DPF3: variants seen among roughly 807,000 people sequenced by gnomAD.
DPF3 encodes the protein double PHD fingers 3, also known as zinc finger protein DPF3.
In DPF3, 18 loss-of-function variants were observed where a neutral mutation model predicts 56.8. The observed-to-expected ratio is 0.32, with a 90% confidence interval of 0.22 to 0.47. DPF3 has a LOEUF of 0.47. Ranked by LOEUF, DPF3 falls within the 20% of genes least tolerant of loss-of-function variation. DPF3 has a pLI of 1.00. For missense variants in DPF3, 403 were observed against 488.8 expected, an observed-to-expected ratio of 0.82 and a Z score of 1.65; for synonymous variants, 188 against 180.2, an observed-to-expected ratio of 1.04 and a Z score of -0.35.
chr14:72,703,061 G>C (rs1875556086), intron 6 of DPF3, among the ~76,000 whole-genome samples: 1 of 152,080 alleles, frequency 6.6e-6, no homozygotes, highest in Admixed American at 6.6e-5. Context: ...TAAGTCCTTT[G>C]CATTCTAGCA....
intron 9 of DPF3, among the ~76,000 whole-genome samples, chr14:72,621,001 C>G (rs58873962): frequency 0.041 from 6,272 of 152,162 alleles, 232 homozygotes; most frequent in East Asian, 0.11. Flanking sequence ...ATTAGCCAGG[C>G]ATGGTGGCGT....
intron 1 of DPF3, among the ~76,000 whole-genome samples, chr14:72,804,758 T>C (rs890557655): frequency 6.6e-6 from 1 of 152,158 alleles, no homozygotes; most frequent in Non-Finnish European, 1.5e-5. Flanking sequence ...ATTTCATTAA[T>C]AGAGATTCCT....
At chr14:72,832,897 A>G (rs1215620370) in intron 1 of DPF3, among the ~76,000 whole-genome samples, 2 of 152,184 alleles carry the variant, frequency 1.3e-5, no homozygotes, top group Non-Finnish European at 2.9e-5. Context: ...AACACAACCT[A>G]TCCAAGAAAC....
At chr14:72,638,361 G>A (rs1472091794) in intron 8 of DPF3, among the ~76,000 whole-genome samples, 1 of 152,198 alleles carries the variant, frequency 6.6e-6, no homozygotes, top group Non-Finnish European at 1.5e-5. Context: ...TGGACCTCAG[G>A]AGCATCCAAC....
intron 1 of DPF3, among the ~76,000 whole-genome samples, chr14:72,874,702 C>T (rs1001957411): frequency 2.6e-5 from 4 of 152,176 alleles, no homozygotes; most frequent in Non-Finnish European, 5.9e-5. Flanking sequence ...TTATCCATAT[C>T]GCTATTAGCA....
intron 7 of DPF3, among the ~76,000 whole-genome samples, chr14:72,688,587 G>A (rs1165730093): frequency 6.6e-6 from 1 of 152,156 alleles, no homozygotes; most frequent in Non-Finnish European, 1.5e-5. Flanking sequence ...CCCCACTGGG[G>A]CTCCCTACCA....
At chr14:72,627,390 C>T (rs1402584259) in intron 9 of DPF3, among the ~76,000 whole-genome samples, 1 of 152,078 alleles carries the variant, frequency 6.6e-6, no homozygotes, top group Non-Finnish European at 1.5e-5. Context: ...TGTCCCAGCA[C>T]CATTCATTTA....
chr14:72,636,432 C>T (rs1885385214), intron 8 of DPF3, among the ~76,000 whole-genome samples: 3 of 152,106 alleles, frequency 2.0e-5, no homozygotes, highest in Admixed American at 2.0e-4. Flanking sequence ...TCTCTCACTC[C>T]TCTCTTCTCT....
At chr14:72,760,563 T>G (rs1185009525) in intron 2 of DPF3, among the ~76,000 whole-genome samples, 2 of 152,228 alleles carry the variant, frequency 1.3e-5, no homozygotes, top group Admixed American at 6.5e-5. Flanking sequence ...GGAGGGGCCT[T>G]ATTCTATTAA....
chr14:72,610,395 C>T lies in DPF3; in HGVS notation c.*8902G>A, dbSNP rs908982761. On this transcript the variant is annotated 3_prime_UTR_variant, in exon 11 of 11. Transcript: ENST00000556509. ...CAAAGCCCACCCAGAGGAATCCCAGCGTTCACAAATGGAGGCGCCCTCACC... is the reference window on the plus strand; with the variant it reads ...CAAAGCCCACCCAGAGGAATCCCAGTGTTCACAAATGGAGGCGCCCTCACC... Among the ~76,000 whole-genome samples the T allele has an allele frequency of 6.6e-6, 1 of 152,188 alleles. No homozygotes were observed. The highest frequency in any genetic ancestry group is 2.4e-5 in the African/African-American group (1 of 41,452).
chr14:72,666,871 A>G (rs1238542799), intron 8 of DPF3, among the ~76,000 whole-genome samples: 1 of 152,230 alleles, frequency 6.6e-6, no homozygotes, highest in Non-Finnish European at 1.5e-5. Context: ...CTAACAGATG[A>G]GTCTGCTCCA....
At chr14:72,765,317 C>T (rs1891234281) in intron 2 of DPF3, among the ~76,000 whole-genome samples, 1 of 152,170 alleles carries the variant, frequency 6.6e-6, no homozygotes, top group African/African-American at 2.4e-5. Context: ...TAAAATGGTA[C>T]AACCACTTTG....
At chr14:72,892,115 C>T in intron 1 of DPF3, 1 of 1,517,400 alleles carries the variant, frequency 6.6e-7, no homozygotes, top group Non-Finnish European at 8.8e-7. Flanking sequence ...TCCCGGGTAA[C>T]TAGGGTACGG....
intron 6 of DPF3, among the ~76,000 whole-genome samples, chr14:72,711,132 A>G (rs983021396): frequency 3.3e-5 from 5 of 152,226 alleles, no homozygotes; most frequent in African/African-American, 1.2e-4. Context: ...GCTTATTACC[A>G]CTACACATAA....
chr14:72,732,804 C>CTTTCT (rs1318987629), intron 3 of DPF3, among the ~76,000 whole-genome samples: 3 of 152,082 alleles, frequency 2.0e-5, no homozygotes, highest in Non-Finnish European at 4.4e-5. Flanking sequence ...TGGTGTGTTT[C>CTTTCT]TTTCTTTTCT....
chr14:72,637,985 G>A (rs773129760), intron 8 of DPF3, among the ~76,000 whole-genome samples: 4 of 152,084 alleles, frequency 2.6e-5, no homozygotes, highest in African/African-American at 7.2e-5. Flanking sequence ...ACCACCCACC[G>A]CCATGCAATA....
At chr14:72,662,314 G>A (rs1886250336) in intron 8 of DPF3, 1 of 984,742 alleles carries the variant, frequency 1.0e-6, no homozygotes, top group African/African-American at 1.7e-5. Context: ...TTAATATGCA[G>A]TCTTTTATTT....
chr14:72,816,463 G>T lies in DPF3; in HGVS notation c.33-44570C>A, dbSNP rs112105459. ...GAGGTACTTTCTTATACAGCAAGTG[G>T]GTAGAAGCCAAGATCAGAACCTTAC... On this transcript the variant is annotated intron_variant, in intron 1 of 10. Transcript: ENST00000556509. Among the ~76,000 whole-genome samples, 549 of 152,146 alleles carry T rather than the reference G, an allele frequency of 3.6e-3. 5 individuals carry two copies. Among genetic ancestry groups the T allele is most frequent in the African/African-American group, 0.013 (520 of 41,488 alleles).
In DPF3 at chr14:72,823,569, G is replaced by T. The variant is rs17121181; in HGVS notation, c.33-51676C>A. Among the ~76,000 whole-genome samples, 8 of 152,196 alleles carry T rather than the reference G, an allele frequency of 5.3e-5. No individual in the cohort carries two copies. The East Asian group carries it at 1.5e-3, about 29-fold the overall frequency. Reference sequence around the variant, plus strand: ...TGTTATATACGGGCTGCAGCATTGCGTGGCGAGGAGTCAGGGGAATCTTCC... The same window carrying T: ...TGTTATATACGGGCTGCAGCATTGCTTGGCGAGGAGTCAGGGGAATCTTCC... On this transcript the variant is annotated intron_variant, in intron 1 of 10. Coordinates refer to ENST00000556509, the MANE Select transcript of DPF3 (RefSeq NM_001280542.3).
Sources: allele counts gnomAD v4.1 joint callset (sites outside exome capture counted in the v4.1 genomes callset), GRCh38; gene constraint gnomAD v4.1.1; transcripts MANE v1.5; gene names NCBI Gene and HGNC (gene_info 2026-07-23, HGNC 2026-07-21).